LDLRAP1: variants seen among roughly 807,000 people sequenced by gnomAD.
LDLRAP1 encodes low density lipoprotein receptor adaptor protein 1.
In LDLRAP1, 30 loss-of-function variants were observed where a neutral mutation model predicts 37.8. The ratio of observed to expected loss-of-function variants is 0.79; its 90% CI spans 0.59 to 1.08. The LOEUF is 1.08. Ranked by LOEUF, LDLRAP1 falls within the 50% of genes least tolerant of loss-of-function variation. The pLI is 0.00. For missense variants in LDLRAP1, 375 were observed against 401.6 expected, an observed-to-expected ratio of 0.93 and a Z score of 0.57; for synonymous variants, 156 against 169.8, an observed-to-expected ratio of 0.92 and a Z score of 0.63.
At chr1:25,587,189 T>A in the LDLRAP1 span, among the ~76,000 whole-genome samples, 1 of 152,152 alleles carries the variant, frequency 6.6e-6, no homozygotes, top group Non-Finnish European at 1.5e-5. Context: ...TCTCACTCTG[T>A]CGCCCAGCCT....
chr1:25,561,141 T>C (rs539226628), intron 4 of LDLRAP1, among the ~76,000 whole-genome samples: 10 of 152,248 alleles, frequency 6.6e-5, no homozygotes, highest in Non-Finnish European at 1.3e-4. Context: ...TGTCCAGCCC[T>C]TGCTTGGGTG....
In LDLRAP1 at chr1:25,544,155, C is replaced by G. The variant is rs1033853206; in HGVS notation, c.88+369C>G. 1.3e-5 allele frequency among the ~76,000 whole-genome samples: 2 copies of G among 152,148 alleles called. No homozygotes were observed. The highest frequency in any genetic ancestry group is 4.8e-5 in the African/African-American group (2 of 41,446). The stretch of plus-strand genomic sequence containing the variant: ...GGAGGCAGGCGCTCGTCGTCGGTGC[C>G]TAGGGGAGGAGGAGAGGGCGCAGGG... On this transcript the variant is annotated intron_variant, in intron 1 of 8. Coordinates refer to ENST00000374338, the MANE Select transcript of LDLRAP1 (RefSeq NM_015627.3). This position sits in a 1 kb window ranked among gnomAD's most constrained non-coding sequence, Gnocchi z 4.8.
At chr1:25,545,046 T>TG (rs1399817706) in intron 1 of LDLRAP1, among the ~76,000 whole-genome samples, 1 of 152,012 alleles carries the variant, frequency 6.6e-6, no homozygotes, top group South Asian at 2.1e-4. Context: ...TGCCTGCTGG[T>TG]GGGGGGTGGG....
At position 25,554,521 on chromosome 1, in the gene LDLRAP1, T is replaced by G. The variant is rs1000014845; in HGVS notation, c.232-339T>G. On this transcript the variant is annotated intron_variant, in intron 2 of 8. Transcript: ENST00000374338. The surrounding 1 kb of genome is among the most constrained non-coding windows in gnomAD (Gnocchi z 5.4). ...ATGGATGGAGCAGAGTACTCAGGAG[T>G]CATCCTGCTGGGTTGTGCTAGCTCA... 3.9e-5 allele frequency among the ~76,000 whole-genome samples: 6 copies of G among 152,124 alleles called. No individual in the cohort carries two copies. The highest frequency in any genetic ancestry group is 1.5e-5 in the Non-Finnish European group (1 of 68,012).
chr1:25,585,351 A>T, the LDLRAP1 span, among the ~76,000 whole-genome samples: 5 of 146,780 alleles, frequency 3.4e-5, no homozygotes, highest in Non-Finnish European at 7.5e-5. Context: ...TTTGAGACGG[A>T]GTCTCACTCT....
the LDLRAP1 span, among the ~76,000 whole-genome samples, chr1:25,576,994 T>G: frequency 1.3e-5 from 2 of 152,186 alleles, no homozygotes; most frequent in Non-Finnish European, 2.9e-5. Flanking sequence ...TTCTGCCCGG[T>G]GCAGGGAGCC....
intron 1 of LDLRAP1, among the ~76,000 whole-genome samples, chr1:25,546,452 G>T (rs1362297304): frequency 1.3e-5 from 2 of 152,210 alleles, no homozygotes; most frequent in African/African-American, 4.8e-5. Flanking sequence ...GTGGATTCCT[G>T]GTTGTCCTGA....
At chr1:25,580,687 T>C in the LDLRAP1 span, among the ~76,000 whole-genome samples, 11 of 152,212 alleles carry the variant, frequency 7.2e-5, no homozygotes, top group African/African-American at 2.4e-4. Context: ...TTTTTAATTT[T>C]TTTTTGTAGA....
At chr1:25,563,900 G>T in intron 7 of LDLRAP1, 109 bp downstream of exon 7, 1 of 1,455,646 alleles carries the variant, frequency 6.9e-7, no homozygotes, top group Non-Finnish European at 9.5e-7. Context: ...TGGGCCTCTG[G>T]GAGGACCAGA....
At chr1:25,578,168 G>C in the LDLRAP1 span, among the ~76,000 whole-genome samples, 461 of 148,980 alleles carry the variant, frequency 3.1e-3, 6 homozygotes, top group African/African-American at 0.011. Flanking sequence ...CTCTCTCTCT[G>C]TCTCTCTCTC....
At chr1:25,589,811 C>T in the LDLRAP1 span, among the ~76,000 whole-genome samples, 6 of 152,100 alleles carry the variant, frequency 3.9e-5, no homozygotes, top group Admixed American at 1.3e-4. Context: ...ATAATAAATA[C>T]CCTCTTACGG....
In LDLRAP1 at chr1:25,568,599, G is replaced by C. The variant is rs2044547258; in HGVS notation, c.*1607G>C. On this transcript the variant is annotated 3_prime_UTR_variant, in exon 9 of 9. Transcript: ENST00000374338. ...ATTTGCAGGGTCATTATCAGAACAT[G>C]AGGATAACTTCCTTGCCCCTGCTCT... 6.6e-6 allele frequency: 1 copy of C among 152,216 alleles called. No individual in the cohort carries two copies. The highest frequency in any genetic ancestry group is 1.5e-5 in the Non-Finnish European group (1 of 68,042). The allele number at this position is 152,216 out of a possible 1,614,324, so 9.4% of individuals were successfully genotyped here.
chr1:25,588,809 A>T, the LDLRAP1 span, among the ~76,000 whole-genome samples: 1 of 152,004 alleles, frequency 6.6e-6, no homozygotes. Flanking sequence ...GGGGCAACCC[A>T]CCCCTTCAAA....
the LDLRAP1 span, among the ~76,000 whole-genome samples, chr1:25,576,228 C>CA: frequency 4.3e-4 from 64 of 148,180 alleles, no homozygotes; most frequent in Non-Finnish European, 3.1e-4. Flanking sequence ...TGAGACTCCT[C>CA]AAAAAAAACA....
At chr1:25,577,353 C>T in the LDLRAP1 span, among the ~76,000 whole-genome samples, 2 of 152,032 alleles carry the variant, frequency 1.3e-5, no homozygotes, top group Admixed American at 6.5e-5. Flanking sequence ...GCAGAGGGGA[C>T]GTGCCAGGAC....
intron 1 of LDLRAP1, among the ~76,000 whole-genome samples, chr1:25,551,381 G>A (rs552150715): frequency 1.3e-5 from 2 of 152,166 alleles, no homozygotes; most frequent in African/African-American, 4.8e-5. Flanking sequence ...AAAGTAGTAT[G>A]GTCTCATGGT....
chr1:25,554,404 C>A lies in LDLRAP1; in HGVS notation c.231+340C>A, dbSNP rs1309351741. On this transcript the variant is annotated intron_variant, in intron 2 of 8. Transcript: ENST00000374338. The surrounding 1 kb of genome is among the most constrained non-coding windows in gnomAD (Gnocchi z 5.4). Reference sequence around the variant, plus strand: ...CCAATGGCCTGAGAGACAGCATAGCCCATCAGAGAGCAGATTGCCCCCTCC... The same window carrying A: ...CCAATGGCCTGAGAGACAGCATAGCACATCAGAGAGCAGATTGCCCCCTCC... Among the ~76,000 whole-genome samples, 1 of 152,156 alleles carries A rather than the reference C, an allele frequency of 6.6e-6. No homozygotes were observed. The highest frequency in any genetic ancestry group is 1.5e-5 in the Non-Finnish European group (1 of 68,024).
chr1:25,586,422 G>A, the LDLRAP1 span, among the ~76,000 whole-genome samples: 2 of 152,322 alleles, frequency 1.3e-5, no homozygotes, highest in African/African-American at 4.8e-5. This position sits in a 1 kb window ranked among gnomAD's most constrained non-coding sequence, Gnocchi z 4.3. Context: ...GCAGACACCA[G>A]CGTCCATCAG....
At chr1:25,577,934 C>T in the LDLRAP1 span, among the ~76,000 whole-genome samples, 5 of 152,204 alleles carry the variant, frequency 3.3e-5, no homozygotes, top group African/African-American at 4.8e-5. Context: ...TTAGGATTGT[C>T]GCAGTGGAGG....
Sources: gnomAD v4.1 joint callset for allele counts (sites outside exome capture counted in the v4.1 genomes callset) on GRCh38, gnomAD v4.1.1 for gene constraint, Gnocchi (gnomAD v3.1) non-coding constraint, MANE v1.5 for transcripts, NCBI Gene and HGNC (gene_info 2026-07-23, HGNC 2026-07-21) for gene names.